Variants in KIAA1671 observed in about 807,000 individuals in gnomAD.
The protein encoded by KIAA1671 is KIAA1671.
A neutral mutation model predicts 131.2 loss-of-function variants in KIAA1671; 52 were observed. The observed-to-expected ratio is 0.40, with a 90% CI of 0.32 to 0.50. KIAA1671 has a LOEUF of 0.50. KIAA1671 is among the 20% of genes least tolerant of loss of function. The probability of loss-of-function intolerance (pLI) is 0.73; values close to 1 mark genes in which losing one functional copy is unlikely to be tolerated. For missense variants in KIAA1671, 2,360 were observed against 2,364.2 expected (o/e 1.00, Z 0.04); for synonymous variants, 1,003 against 961.6 (o/e 1.04, Z -0.80).
At chr22:24,979,105 C>G (rs1169010365) in intron 1 of KIAA1671, among the ~76,000 whole-genome samples, 1 of 151,558 alleles carries the variant, frequency 6.6e-6, no homozygotes, top group East Asian at 1.9e-4. Flanking sequence ...AAGCGATTCT[C>G]CTGCCCCAGC....
intron 5 of KIAA1671, among the ~76,000 whole-genome samples, chr22:25,044,960 A>ACCATC (rs1274146982): frequency 2.3e-4 from 35 of 152,214 alleles, no homozygotes; most frequent in Middle Eastern, 3.4e-3. Flanking sequence ...GGAGATTGAG[A>ACCATC]CCATCCTGGC....
intron 6 of KIAA1671, among the ~76,000 whole-genome samples, chr22:25,162,675 T>G (rs1933487151): frequency 6.6e-6 from 1 of 152,204 alleles, no homozygotes; most frequent in Non-Finnish European, 1.5e-5. Flanking sequence ...TGAAAGAGCC[T>G]CTATAGATCA....
At chr22:24,957,361 T>C (rs562064541) in intron 1 of KIAA1671, among the ~76,000 whole-genome samples, 1 of 152,338 alleles carries the variant, frequency 6.6e-6, no homozygotes, top group South Asian at 2.1e-4. Flanking sequence ...ATGTGCTGAA[T>C]GAATAAAAGT....
intron 6 of KIAA1671, among the ~76,000 whole-genome samples, chr22:25,074,918 T>G (rs929201887): frequency 1.3e-5 from 2 of 148,968 alleles, no homozygotes; most frequent in Non-Finnish European, 3.0e-5. Flanking sequence ...GGTGGATCTA[T>G]TCTCAGTTTT....
intron 1 of KIAA1671, among the ~76,000 whole-genome samples, chr22:24,980,187 G>A (rs1462622406): frequency 6.6e-6 from 1 of 151,362 alleles, no homozygotes; most frequent in African/African-American, 2.4e-5. Context: ...ATCAGTGGAT[G>A]CTTGACTTGT....
intron 6 of KIAA1671, among the ~76,000 whole-genome samples, chr22:25,084,736 G>A (rs1929612253): frequency 6.6e-6 from 1 of 152,242 alleles, no homozygotes; most frequent in African/African-American, 2.4e-5. Context: ...GAACAGTTGA[G>A]TGATAGAACC....
intron 6 of KIAA1671, chr22:25,050,175 C>A: frequency 6.6e-6 from 1 of 152,500 alleles, no homozygotes. Context: ...TGCCCTCTTC[C>A]CCCTCATCCT....
chr22:25,091,242 G>T (rs1428574878), intron 6 of KIAA1671, among the ~76,000 whole-genome samples: 1 of 152,128 alleles, frequency 6.6e-6, no homozygotes, highest in African/African-American at 2.4e-5. Context: ...ATTTTTAGTA[G>T]AGATGGGGTT....
chr22:25,105,380 G>A (rs574789433), intron 6 of KIAA1671, among the ~76,000 whole-genome samples: 8 of 152,180 alleles, frequency 5.3e-5, no homozygotes, highest in South Asian at 2.1e-4. Flanking sequence ...TCTGTGTCTC[G>A]CCTCACATTG....
rs1489758424 is a variant in KIAA1671 at position 25,105,828 on chromosome 22, G to GC, written c.4530+56464_4530+56465insC. On this transcript the variant is annotated intron_variant, in intron 6 of 12. Coordinates refer to ENST00000358431, the MANE Select transcript of KIAA1671 (RefSeq NM_001145206.2). The stretch of plus-strand genomic sequence containing the variant: ...GTCACAGGTATGAAGTTGGGGGGGG[G>GC]GGGTGCCAAACTCCACCACTTAATA... 4.0e-5 allele frequency among the ~76,000 whole-genome samples: 6 copies of GC among 151,566 alleles called. No homozygotes were observed. In the East Asian group the frequency reaches 5.9e-4, roughly 15 times the overall value.
chr22:25,182,419 A>G (rs1480417851), intron 10 of KIAA1671, among the ~76,000 whole-genome samples: 1 of 109,744 alleles, frequency 9.1e-6, no homozygotes, highest in Non-Finnish European at 1.9e-5. Context: ...ATCCTTTTTT[A>G]TCCTTCTTTT....
At chr22:25,179,300 C>G (rs1239748616) in intron 9 of KIAA1671, 2 of 1,575,066 alleles carry the variant, frequency 1.3e-6, no homozygotes, top group East Asian at 2.4e-5. Flanking sequence ...CGCCGCCCGT[C>G]CCGGGCCCTT....
intron 6 of KIAA1671, among the ~76,000 whole-genome samples, chr22:25,154,141 A>G (rs1601363019): frequency 6.6e-6 from 1 of 152,276 alleles, no homozygotes; most frequent in East Asian, 1.9e-4. Context: ...CTGCCTATGC[A>G]GTGGGTTTGT....
At chr22:24,994,374 C>T (rs1188022804) in intron 1 of KIAA1671, among the ~76,000 whole-genome samples, 2 of 152,146 alleles carry the variant, frequency 1.3e-5, no homozygotes, top group Non-Finnish European at 1.5e-5. Context: ...AGCAGGTTAC[C>T]TTGGGGAACA....
intron 6 of KIAA1671, chr22:25,062,911 G>C (rs1057079572): frequency 6.6e-6 from 1 of 151,260 alleles, no homozygotes; most frequent in Non-Finnish European, 1.5e-5. Flanking sequence ...GGCTCTGTGG[G>C]TTGGCTCTGC....
At chr22:25,036,504 T>A (rs752147533) in intron 4 of KIAA1671, among the ~76,000 whole-genome samples, 87 of 152,332 alleles carry the variant, frequency 5.7e-4, no homozygotes, top group Middle Eastern at 3.4e-3. Context: ...AAATTCGGTC[T>A]TTCTAATATA....
At chr22:25,154,981 C>T (rs1933180325) in intron 6 of KIAA1671, among the ~76,000 whole-genome samples, 1 of 152,198 alleles carries the variant, frequency 6.6e-6, no homozygotes, top group African/African-American at 2.4e-5. Context: ...TCTTGTCACA[C>T]CCTCCTCAGA....
chr22:25,085,356 C>T lies in KIAA1671; in HGVS notation c.4530+35992C>T, dbSNP rs557487390. Among the ~76,000 whole-genome samples, 7 of 152,258 alleles carry T rather than the reference C, an allele frequency of 4.6e-5. No individual in the cohort carries two copies. The South Asian group carries it at 1.2e-3, about 27-fold the overall frequency. On this transcript the variant is annotated intron_variant, in intron 6 of 12. Transcript: ENST00000358431. Reference sequence around the variant, plus strand: ...TATGCCACAGTCAGAAGACGTGGGCCGATCTTTTTCTCTTCCTCCTCTGAA... The same window carrying T: ...TATGCCACAGTCAGAAGACGTGGGCTGATCTTTTTCTCTTCCTCCTCTGAA...
chr22:25,175,843 C>T (rs1253403641), intron 8 of KIAA1671: 1 of 152,216 alleles, frequency 6.6e-6, no homozygotes, highest in African/African-American at 2.4e-5. Context: ...AAGCATAGGT[C>T]TAACGCTTAC....
Sources: allele counts gnomAD v4.1 joint callset (sites outside exome capture counted in the v4.1 genomes callset), GRCh38; gene constraint gnomAD v4.1.1; transcripts MANE v1.5; gene names NCBI Gene and HGNC (gene_info 2026-07-23, HGNC 2026-07-21).